KDM5A: variants seen among roughly 807,000 people sequenced by gnomAD.
The protein encoded by KDM5A is lysine demethylase 5A.
In KDM5A, 42 loss-of-function variants were observed where a neutral mutation model predicts 193.5. The ratio of observed to expected loss-of-function variants is 0.22; its 90% CI spans 0.17 to 0.28. The LOEUF is 0.28. Ranked by LOEUF, KDM5A falls within the 10% of genes least tolerant of loss-of-function variation. The pLI is 1.00. For synonymous variants in KDM5A, 796 were observed against 718.1 expected (o/e 1.11, Z -1.73); for missense variants, 1,692 against 2,055.1 (o/e 0.82, Z 3.42).
Position 325,302 on chromosome 12 carries a change from GAC to G in KDM5A, c.1969-1523_1969-1522del, listed in dbSNP as rs1943767701. On this transcript the variant is annotated intron_variant, in intron 14 of 27. Coordinates refer to ENST00000399788, the MANE Select transcript of KDM5A (RefSeq NM_001042603.3). ...AAGGGAATGCTCATGTGGCAACTGA[GAC>G]ACTTCTGGCTGCTTCAAGAAATTTT... is the stretch of plus-strand genomic sequence containing the variant. Among the ~76,000 whole-genome samples, 2 of 152,224 alleles carry G rather than the reference GAC, an allele frequency of 1.3e-5. 1 individual carries two copies. Among genetic ancestry groups the G allele is most frequent in the South Asian group, 4.1e-4 (2 of 4,834 alleles).
At chr12:378,225 A>G (rs1304415313) in intron 3 of KDM5A, among the ~76,000 whole-genome samples, 1 of 152,186 alleles carries the variant, frequency 6.6e-6, no homozygotes, top group African/African-American at 2.4e-5. Context: ...TCTGAGGAGT[A>G]GGAATGGGGG....
At chr12:343,625 G>A (rs1287966679) in intron 10 of KDM5A, among the ~76,000 whole-genome samples, 3 of 152,212 alleles carry the variant, frequency 2.0e-5, no homozygotes, top group East Asian at 1.9e-4. Flanking sequence ...GGCAAACAGG[G>A]TCTGGAATGG....
chr12:321,836 T>C (rs1382086785), intron 17 of KDM5A, among the ~76,000 whole-genome samples: 2 of 152,224 alleles, frequency 1.3e-5, no homozygotes, highest in African/African-American at 4.8e-5. Context: ...CAAATATTTA[T>C]TGCACAACTG....
intron 10 of KDM5A, among the ~76,000 whole-genome samples, chr12:347,271 C>T (rs982498072): frequency 1.3e-5 from 2 of 152,070 alleles, no homozygotes; most frequent in Non-Finnish European, 2.9e-5. Context: ...GAGGACACAG[C>T]AAATGGAAGA....
At chr12:290,553 T>C (rs1305667119) in intron 27 of KDM5A, among the ~76,000 whole-genome samples, 2 of 152,208 alleles carry the variant, frequency 1.3e-5, no homozygotes, top group Non-Finnish European at 2.9e-5. Flanking sequence ...ATACCTATAA[T>C]ATTAGGAGCA....
At chr12:366,799 T>C (rs957137604) in intron 3 of KDM5A, among the ~76,000 whole-genome samples, 10 of 152,244 alleles carry the variant, frequency 6.6e-5, no homozygotes, top group African/African-American at 2.4e-4. Context: ...CCAGGAGCTG[T>C]TACTATACAT....
chr12:322,146 G>C (rs1183834518), intron 17 of KDM5A: 5 of 411,954 alleles, frequency 1.2e-5, no homozygotes. Flanking sequence ...ACGGTGGGAA[G>C]AGAACTCCAA....
rs1019244010 is a variant in KDM5A, at chr12:374,944, C to T, written c.367-8840G>A. 1.4e-4 allele frequency among the ~76,000 whole-genome samples: 21 copies of T among 152,214 alleles called. 1 individual carries two copies. Among genetic ancestry groups the T allele is most frequent in the African/African-American group, 1.9e-4 (8 of 41,520 alleles). ...CTTGCAGAGTTTCTGCCGAGAGATCCGCTGTTAGTCTGATGGGCTTCCCTT... is the reference window on the plus strand; with the variant it reads ...CTTGCAGAGTTTCTGCCGAGAGATCTGCTGTTAGTCTGATGGGCTTCCCTT... On this transcript the variant is annotated intron_variant, in intron 3 of 27. Transcript: ENST00000399788.
rs1399302559 is a variant in KDM5A at position 318,147 on chromosome 12, A to T, written c.2856T>A (p.Ser952=). The change falls in exon 19 of 28, where the codon TCT becomes TCA. Residue 952 remains serine (S), a synonymous_variant. Transcript: ENST00000399788. ...CCTTAGCCTTTTCTTCCCATCGTTCAGAGACTGTAAGGAGCTCCTGTAGTT... is the reference window on the plus strand; with the variant it reads ...CCTTAGCCTTTTCTTCCCATCGTTCTGAGACTGTAAGGAGCTCCTGTAGTT... The part of the protein sequence containing the change: ...MAELQELLTV[S]ERWEEKAKVC... 2.5e-6 allele frequency: 4 copies of T among 1,614,224 alleles called. No individual in the cohort carries two copies. In the East Asian group the frequency reaches 8.9e-5, roughly 36 times the overall value.
chr12:291,326 T>C (rs1261373813), intron 27 of KDM5A, among the ~76,000 whole-genome samples: 1 of 152,204 alleles, frequency 6.6e-6, no homozygotes, highest in Non-Finnish European at 1.5e-5. Flanking sequence ...CTAATACATC[T>C]CATTTAAATA....
intron 24 of KDM5A, among the ~76,000 whole-genome samples, chr12:305,116 G>A (rs1283784319): frequency 1.3e-5 from 2 of 152,114 alleles, no homozygotes; most frequent in African/African-American, 4.8e-5. Context: ...GGATTTAGCA[G>A]TACACTAAGA....
intron 24 of KDM5A, among the ~76,000 whole-genome samples, chr12:300,017 G>A (rs1943422637): frequency 6.6e-6 from 1 of 150,980 alleles, no homozygotes; most frequent in Non-Finnish European, 1.5e-5. Flanking sequence ...CCCAATACAG[G>A]AGCACCCAGA....
chr12:298,169 T>C (rs1050381725), intron 24 of KDM5A, among the ~76,000 whole-genome samples: 1 of 152,170 alleles, frequency 6.6e-6, no homozygotes, highest in African/African-American at 2.4e-5. Context: ...GAGCAGCGGA[T>C]CTCCCAGCAC....
At position 328,877 on chromosome 12, in the gene KDM5A, C is replaced by A. The variant is rs1943826901; in HGVS notation, c.1926G>T (p.Met642Ile). The A allele has an allele frequency of 1.9e-6, 3 of 1,614,042 alleles. 1 individual carries two copies. The South Asian group carries it at 3.3e-5, about 18-fold the overall frequency. ...CTCTTAATCGTGTTTCTTCTTCAGTCATGAGAGTCAATTCTTTGCAGACCA... is the reference window on the plus strand; with the variant it reads ...CTCTTAATCGTGTTTCTTCTTCAGTAATGAGAGTCAATTCTTTGCAGACCA... ...AAMVCKELTL[M>I]TEEETRLRES... Residue 642 changes from methionine to isoleucine, a missense_variant, in exon 14 of 28, where the codon ATG becomes ATT. Physicochemically the swap from Met to Ile is conservative, Grantham distance 10 (BLOSUM62 1). This residue lies in a region of KDM5A where 88 missense variants were observed against 124.6 expected (regional missense o/e 0.71). Transcript: ENST00000399788.
intron 24 of KDM5A, among the ~76,000 whole-genome samples, chr12:305,756 C>T (rs766549950): frequency 1.8e-4 from 28 of 152,196 alleles, no homozygotes; most frequent in Non-Finnish European, 3.7e-4. Flanking sequence ...GGATCCAACA[C>T]AAAACAAACT....
intron 19 of KDM5A, among the ~76,000 whole-genome samples, chr12:314,117 C>G (rs946409338): frequency 2.6e-5 from 4 of 152,110 alleles, no homozygotes; most frequent in African/African-American, 9.7e-5. Context: ...CGTTCATCAT[C>G]CATGAATCCT....
chr12:365,829 T>C lies in KDM5A; in HGVS notation c.537+105A>G, dbSNP rs1029651701. The C allele has an allele frequency of 6.9e-6, 7 of 1,007,438 alleles. No homozygotes were observed. The African/African-American group carries it at 9.5e-5, about 14-fold the overall frequency. 62.4% of individuals were successfully genotyped at this position (1,007,438 alleles called of 1,614,324 possible). A position where few individuals can be genotyped will look rare whatever the true frequency, so the allele number is the denominator to read the frequency against. On this transcript the variant is annotated intron_variant, in intron 4 of 27. Transcript: ENST00000399788. ...TTTACACTATGATATACACTTTGCT[T>C]CCCCAAATTTTGGTGCCTGCTAACT...
At position 283,557 on chromosome 12, in the gene KDM5A, T is replaced by G. The variant is rs1268215998; in HGVS notation, c.*1899A>C. On this transcript the variant is annotated 3_prime_UTR_variant, in exon 28 of 28. Coordinates refer to ENST00000399788, the MANE Select transcript of KDM5A (RefSeq NM_001042603.3). Reference sequence around the variant, plus strand: ...TTTTATAAGAAAACATCTTTTTTTTTGTAAGATTCCTTTTGAGTTAAATCT... The same window carrying G: ...TTTTATAAGAAAACATCTTTTTTTTGGTAAGATTCCTTTTGAGTTAAATCT... 1 of 233,024 alleles carries G rather than the reference T, an allele frequency of 4.3e-6. No homozygotes were observed. The highest frequency in any genetic ancestry group is 1.8e-4 in the South Asian group (1 of 5,522). The allele number at this position is 233,024 out of a possible 1,614,324, so 14.4% of individuals were successfully genotyped here.
chr12:293,311 G>A, intron 26 of KDM5A, 142 bp from the exon 27 acceptor site: 1 of 690,274 alleles, frequency 1.4e-6, no homozygotes, highest in South Asian at 2.1e-5. Context: ...AAGGGAAGAA[G>A]AAATGGAGAT....
Sources: allele counts gnomAD v4.1 joint callset (sites outside exome capture counted in the v4.1 genomes callset), GRCh38; gene constraint gnomAD v4.1.1; regional missense constraint gnomAD v4.1.1; transcripts MANE v1.5; gene names NCBI Gene and HGNC (gene_info 2026-07-23, HGNC 2026-07-21).